LINGO2: variants seen among roughly 807,000 people sequenced by gnomAD.
The protein encoded by LINGO2 is leucine-rich repeat and immunoglobulin-like domain-containing nogo receptor-interacting protein 2.
LINGO2 carries 14 observed loss-of-function variants against 30.6 expected under a neutral mutation model. The ratio of observed to expected loss-of-function variants is 0.46; its 90% CI spans 0.30 to 0.72. The LOEUF (loss-of-function observed/expected upper bound fraction) is 0.72, where lower values mean the gene tolerates loss of function less well. Ranked by LOEUF, LINGO2 falls within the 30% of genes least tolerant of loss-of-function variation. The pLI is 0.07. For missense variants in LINGO2, 729 were observed against 751.7 expected (o/e 0.97, Z 0.35); for synonymous variants, 317 against 288.5 (o/e 1.10, Z -1.00).
chr9:28,762,528 G>T, the LINGO2 span, among the ~76,000 whole-genome samples: 1 of 151,872 alleles, frequency 6.6e-6, no homozygotes, highest in African/African-American at 2.4e-5. Flanking sequence ...TGATAAGGAG[G>T]GTGTACACAC....
intron 4 of LINGO2, among the ~76,000 whole-genome samples, chr9:28,172,016 C>CAAAAAAAAA (rs1197927884): frequency 3.4e-4 from 15 of 44,036 alleles, no homozygotes; most frequent in East Asian, 1.6e-3. Flanking sequence ...GACTCCGTCT[C>CAAAAAAAAA]AAAAAAAAAA....
the LINGO2 span, among the ~76,000 whole-genome samples, chr9:28,998,407 T>A: frequency 6.6e-6 from 1 of 152,196 alleles, no homozygotes; most frequent in African/African-American, 2.4e-5. Flanking sequence ...TTTCCCTTTT[T>A]AACACAAAGA....
At chr9:29,033,378 C>CTATATA in the LINGO2 span, among the ~76,000 whole-genome samples, 1,616 of 140,810 alleles carry the variant, frequency 0.011, 18 homozygotes, top group African/African-American at 0.03. Flanking sequence ...AACTGCTTTA[C>CTATATA]TATATATATA....
chr9:28,717,393 T>C, the LINGO2 span, among the ~76,000 whole-genome samples: 2 of 151,134 alleles, frequency 1.3e-5, no homozygotes, highest in African/African-American at 4.9e-5. Flanking sequence ...ATAAATGTTA[T>C]TAAGGTCTAG....
the LINGO2 span, among the ~76,000 whole-genome samples, chr9:29,156,560 A>G: frequency 1.3e-5 from 2 of 152,154 alleles, no homozygotes; most frequent in African/African-American, 4.8e-5. Flanking sequence ...TAGATGGAGT[A>G]TCAATAAATA....
intron 2 of LINGO2, among the ~76,000 whole-genome samples, chr9:28,436,342 T>G (rs1246947968): frequency 6.6e-6 from 1 of 152,158 alleles, no homozygotes; most frequent in South Asian, 2.1e-4. Context: ...GACATATGTC[T>G]TAATACCTGG....
At chr9:28,512,199 C>A (rs1477764198) in intron 1 of LINGO2, among the ~76,000 whole-genome samples, 2 of 152,016 alleles carry the variant, frequency 1.3e-5, no homozygotes, top group African/African-American at 4.8e-5. Context: ...CAGAAAGCAC[C>A]CGGTTCACGG....
At chr9:28,789,140 C>T in the LINGO2 span, among the ~76,000 whole-genome samples, 1 of 152,014 alleles carries the variant, frequency 6.6e-6, no homozygotes, top group Non-Finnish European at 1.5e-5. Context: ...ATATCACCAA[C>T]TTGAACATTT....
chr9:29,016,182 A>G, the LINGO2 span, among the ~76,000 whole-genome samples: 1 of 152,212 alleles, frequency 6.6e-6, no homozygotes, highest in Non-Finnish European at 1.5e-5. Context: ...TAAAACATAA[A>G]GTACCTTCTT....
At chr9:28,208,873 G>A (rs1022319741) in intron 4 of LINGO2, among the ~76,000 whole-genome samples, 10 of 151,888 alleles carry the variant, frequency 6.6e-5, no homozygotes, top group African/African-American at 2.4e-4. Context: ...GCTCTGCTAA[G>A]TCCTTAGCAC....
chr9:28,109,645 A>G (rs747443348), intron 4 of LINGO2, among the ~76,000 whole-genome samples: 2 of 152,206 alleles, frequency 1.3e-5, no homozygotes, highest in Non-Finnish European at 2.9e-5. Context: ...CACATTCACA[A>G]TTGCTTCAAA....
intron 4 of LINGO2, among the ~76,000 whole-genome samples, chr9:28,042,731 T>C (rs1268159507): frequency 1.3e-5 from 2 of 152,228 alleles, no homozygotes; most frequent in Non-Finnish European, 2.9e-5. Flanking sequence ...ATTCATGTTC[T>C]GCAATCAATA....
the LINGO2 span, among the ~76,000 whole-genome samples, chr9:29,143,290 T>C: frequency 6.6e-6 from 1 of 152,068 alleles, no homozygotes; most frequent in Non-Finnish European, 1.5e-5. Context: ...AAAATTCCAA[T>C]GGCATTTTTG....
intron 4 of LINGO2, among the ~76,000 whole-genome samples, chr9:28,045,890 A>C (rs1336839256): frequency 6.6e-6 from 1 of 152,022 alleles, no homozygotes; most frequent in African/African-American, 2.4e-5. Flanking sequence ...ACTACAACCC[A>C]CCTCCTGAGG....
chr9:27,939,820 G>C, the LINGO2 span: 3 of 152,170 alleles, frequency 2.0e-5, no homozygotes, highest in Non-Finnish European at 4.4e-5. Flanking sequence ...AATATGAATA[G>C]TGATGCTGCA....
At chr9:28,504,659 ATATG>A (rs1820032174) in intron 1 of LINGO2, among the ~76,000 whole-genome samples, 3 of 151,614 alleles carry the variant, frequency 2.0e-5, no homozygotes, top group Admixed American at 2.0e-4. Flanking sequence ...ATATTTTTAT[ATATG>A]TATTTTATAC....
chr9:28,299,953 T>C (rs903152668), intron 3 of LINGO2, among the ~76,000 whole-genome samples: 2 of 152,132 alleles, frequency 1.3e-5, no homozygotes, highest in African/African-American at 4.8e-5. Flanking sequence ...AACAACTTTA[T>C]AGATTTCCAA....
At chr9:28,984,747 A>C in the LINGO2 span, among the ~76,000 whole-genome samples, 7 of 152,126 alleles carry the variant, frequency 4.6e-5, no homozygotes, top group Admixed American at 1.3e-4. Context: ...GTAAATTGAC[A>C]ATTTTTAATT....
chr9:28,851,797 T>C, the LINGO2 span, among the ~76,000 whole-genome samples: 1 of 151,982 alleles, frequency 6.6e-6, no homozygotes, highest in African/African-American at 2.4e-5. Context: ...GCCTACTTCT[T>C]CAGACCCCTA....
Sources: allele counts gnomAD v4.1 joint callset (sites outside exome capture counted in the v4.1 genomes callset), GRCh38; gene constraint gnomAD v4.1.1; transcripts MANE v1.5; gene names NCBI Gene and HGNC (gene_info 2026-07-23, HGNC 2026-07-21).